The following JAZF1 variants were observed in gnomAD, a reference collection of about 807,000 sequenced individuals.
JAZF1 encodes the protein juxtaposed with another zinc finger protein 1.
JAZF1 carries 8 observed loss-of-function variants against 26.4 expected under a neutral mutation model. The ratio of observed to expected loss-of-function variants is 0.30; its 90% CI spans 0.18 to 0.55. The LOEUF (loss-of-function observed/expected upper bound fraction) is 0.55, where lower values mean the gene tolerates loss of function less well. Among genes scored for constraint, JAZF1 ranks in the 20% least tolerant of loss-of-function variants. The probability of loss-of-function intolerance (pLI) is 0.94; values close to 1 mark genes in which losing one functional copy is unlikely to be tolerated. For synonymous variants in JAZF1, 126 were observed against 122.3 expected, an observed-to-expected ratio of 1.03 and a Z score of -0.20; for missense variants, 199 against 322.0, an observed-to-expected ratio of 0.62 and a Z score of 2.92.
chr7:27,917,690 G>A (rs1784465028), intron 2 of JAZF1, among the ~76,000 whole-genome samples: 1 of 152,186 alleles, frequency 6.6e-6, no homozygotes, highest in South Asian at 2.1e-4. Flanking sequence ...GGGTACCTGC[G>A]AGTGGGGAAA....
At chr7:27,857,727 T>G (rs1379780985) in intron 3 of JAZF1, among the ~76,000 whole-genome samples, 1 of 152,226 alleles carries the variant, frequency 6.6e-6, no homozygotes, top group African/African-American at 2.4e-5. Flanking sequence ...AAACTAGGTA[T>G]TGACGGATCA....
intron 1 of JAZF1, among the ~76,000 whole-genome samples, chr7:28,022,459 GCTGTGGCTT>G (rs1439250991): frequency 2.6e-5 from 4 of 152,202 alleles, no homozygotes; most frequent in African/African-American, 7.2e-5. Context: ...ACAAAGTTCA[GCTGTGGCTT>G]CTGACACTAG....
At chr7:27,888,982 C>G (rs1304048109) in intron 3 of JAZF1, among the ~76,000 whole-genome samples, 1 of 152,174 alleles carries the variant, frequency 6.6e-6, no homozygotes. Flanking sequence ...CTGGATTCAT[C>G]CCGGAGGTCA....
At chr7:28,179,916 C>A (rs1783611290) in intron 1 of JAZF1, among the ~76,000 whole-genome samples, 1 of 145,066 alleles carries the variant, frequency 6.9e-6, no homozygotes, top group Admixed American at 6.8e-5. Context: ...GCCACCCCCG[C>A]CCCCCCGCTC....
chr7:27,838,765 GT>G (rs1463006425), intron 4 of JAZF1, among the ~76,000 whole-genome samples: 3 of 152,216 alleles, frequency 2.0e-5, no homozygotes, highest in African/African-American at 7.2e-5. Flanking sequence ...CCAGCGCCTG[GT>G]CACAGGTGTG....
At chr7:28,142,247 C>G (rs1782969868) in intron 1 of JAZF1, among the ~76,000 whole-genome samples, 1 of 152,128 alleles carries the variant, frequency 6.6e-6, no homozygotes, top group Non-Finnish European at 1.5e-5. Flanking sequence ...CTCAGAGACT[C>G]TGATGTGATG....
At chr7:28,120,814 T>C (rs1782590822) in intron 1 of JAZF1, among the ~76,000 whole-genome samples, 1 of 152,088 alleles carries the variant, frequency 6.6e-6, no homozygotes, top group South Asian at 2.1e-4. Flanking sequence ...TGCACTTGCT[T>C]GGGACCTAGA....
intron 3 of JAZF1, among the ~76,000 whole-genome samples, chr7:27,865,997 T>C (rs1366541425): frequency 1.3e-5 from 2 of 152,156 alleles, no homozygotes; most frequent in African/African-American, 4.8e-5. Flanking sequence ...AATGATCATG[T>C]ATGCGGCACT....
intron 2 of JAZF1, among the ~76,000 whole-genome samples, chr7:27,981,623 G>A (rs1033711773): frequency 5.3e-5 from 8 of 152,200 alleles, no homozygotes; most frequent in African/African-American, 1.9e-4. Flanking sequence ...AAAAATATGA[G>A]TTAAAGTTTT....
intron 1 of JAZF1, among the ~76,000 whole-genome samples, chr7:28,045,038 G>A (rs758677819): frequency 6.6e-6 from 1 of 152,166 alleles, no homozygotes; most frequent in African/African-American, 2.4e-5. Context: ...GGTGAGACCA[G>A]TGCCTAGCCT....
At chr7:27,963,263 C>G (rs1785214106) in intron 2 of JAZF1, among the ~76,000 whole-genome samples, 1 of 152,148 alleles carries the variant, frequency 6.6e-6, no homozygotes, top group African/African-American at 2.4e-5. Context: ...TAATCATGTT[C>G]CTCCATATCA....
intron 1 of JAZF1, among the ~76,000 whole-genome samples, chr7:28,023,846 T>C (rs1783046402): frequency 6.6e-6 from 1 of 152,162 alleles, no homozygotes; most frequent in African/African-American, 2.4e-5. Flanking sequence ...GACTTATAGA[T>C]GCTATAGATA....
intron 2 of JAZF1, among the ~76,000 whole-genome samples, chr7:27,944,205 A>G (rs770297408): frequency 2.6e-5 from 4 of 152,246 alleles, no homozygotes; most frequent in Admixed American, 6.5e-5. Context: ...AGCAACAAGG[A>G]ACATAATACA....
chr7:28,168,539 A>G (rs545031938), intron 1 of JAZF1, among the ~76,000 whole-genome samples: 2 of 152,316 alleles, frequency 1.3e-5, no homozygotes, highest in South Asian at 4.1e-4. Context: ...TAAGCAAAGC[A>G]AAGACTCTTC....
intron 3 of JAZF1, among the ~76,000 whole-genome samples, chr7:27,854,485 A>AT (rs1352145972): frequency 1.3e-5 from 2 of 152,182 alleles, no homozygotes; most frequent in Non-Finnish European, 2.9e-5. Context: ...ACAATTTGGT[A>AT]TTTTTTTGCA....
At chr7:28,158,871 G>A (rs1783233927) in intron 1 of JAZF1, among the ~76,000 whole-genome samples, 1 of 152,122 alleles carries the variant, frequency 6.6e-6, no homozygotes, top group African/African-American at 2.4e-5. Context: ...TCAAGAAAAT[G>A]AGCTGCTCAT....
intron 1 of JAZF1, among the ~76,000 whole-genome samples, chr7:28,166,881 A>C (rs1041949752): frequency 2.6e-5 from 4 of 152,210 alleles, no homozygotes; most frequent in African/African-American, 9.6e-5. Context: ...TTCACCTAAT[A>C]TCTCCAAGGT....
At chr7:28,039,446 A>G (rs1783352559) in intron 1 of JAZF1, among the ~76,000 whole-genome samples, 1 of 152,232 alleles carries the variant, frequency 6.6e-6, no homozygotes, top group African/African-American at 2.4e-5. Flanking sequence ...AGATCCAAGA[A>G]TAAGTAAGAA....
chr7:28,027,485 GT>G (rs1399146937), intron 1 of JAZF1, among the ~76,000 whole-genome samples: 1 of 152,138 alleles, frequency 6.6e-6, no homozygotes, highest in Non-Finnish European at 1.5e-5. Context: ...TATTGATAAA[GT>G]TTTTTGATAA....
Sources: allele counts gnomAD v4.1 joint callset (sites outside exome capture counted in the v4.1 genomes callset), GRCh38; gene constraint gnomAD v4.1.1; transcripts MANE v1.5; gene names NCBI Gene and HGNC (gene_info 2026-07-23, HGNC 2026-07-21).